Variants in LHCGR observed in about 807,000 individuals in gnomAD.
LHCGR encodes luteinizing hormone/choriogonadotropin receptor.
LHCGR carries 55 observed loss-of-function variants against 60.7 expected under a neutral mutation model. That is an observed-to-expected ratio of 0.91 (90% confidence interval 0.73 to 1.13). The LOEUF (loss-of-function observed/expected upper bound fraction) is 1.13, where lower values mean the gene tolerates loss of function less well. Among genes scored for constraint, LHCGR ranks in the 50% most tolerant of loss-of-function variants. LHCGR has a pLI of 0.00. For synonymous variants in LHCGR, 337 were observed against 316.5 expected (o/e 1.06, Z -0.69); for missense variants, 862 against 836.0 (o/e 1.03, Z -0.38).
At chr2:48,744,622 T>A in intron 1 of LHCGR, among the ~76,000 whole-genome samples, 1 of 60,324 alleles carries the variant, frequency 1.7e-5, no homozygotes, top group East Asian at 4.8e-4. Flanking sequence ...TAAATGGTGC[T>A]GGGAAAACTG....
At position 48,755,220 on chromosome 2, in the gene LHCGR, C is replaced by T. The variant is rs976057685; in HGVS notation, c.161+291G>A. Among the ~76,000 whole-genome samples the T allele has an allele frequency of 7.9e-5, 12 of 151,718 alleles. 1 individual carries two copies. The highest frequency in any genetic ancestry group is 1.8e-4 in the Non-Finnish European group (12 of 67,956). On this transcript the variant is annotated intron_variant, in intron 1 of 10. Transcript: ENST00000294954. ...TCACACCCATATTCCCTTCAAGCAG[C>T]GGCAGAGAGCAGGCCTTCCCCTGAG...
Position 48,701,110 on chromosome 2 carries a change from G to T in LHCGR, c.681-2310C>A, listed in dbSNP as rs192099150. ...AAAAGTGGATAGCAGGAAGGAGTTAGGAAATAGAGAGTGAGGGGCTGAGGG... is the reference window on the plus strand; with the variant it reads ...AAAAGTGGATAGCAGGAAGGAGTTATGAAATAGAGAGTGAGGGGCTGAGGG... On this transcript the variant is annotated intron_variant, in intron 8 of 10. Coordinates refer to ENST00000294954, the MANE Select transcript of LHCGR (RefSeq NM_000233.4). Among the ~76,000 whole-genome samples the T allele has an allele frequency of 2.8e-3, 420 of 152,190 alleles. 2 individuals carry two copies. The highest frequency in any genetic ancestry group is 9.7e-3 in the African/African-American group (404 of 41,520).
chr2:48,723,639 A>G lies in LHCGR; in HGVS notation c.441T>C (p.Ser147=). 3 of 1,613,818 alleles carry G rather than the reference A, an allele frequency of 1.9e-6. No individual in the cohort carries two copies. The highest frequency in any genetic ancestry group is 2.5e-6 in the Non-Finnish European group (3 of 1,179,684). The change falls in exon 5 of 11, where the codon TCT becomes TCC. Residue 147 remains serine (S), a synonymous_variant. Transcript: ENST00000294954. Reference sequence around the variant, plus strand: ...GTACTTACAGAATGAAATTTGATTCAGAGGAGAAGACCTTCGTAACATCTG... The same window carrying G: ...GTACTTACAGAATGAAATTTGATTCGGAGGAGAAGACCTTCGTAACATCTG... ...KFPDVTKVFS[S]ESNFILEICD...
intron 3 of LHCGR, among the ~76,000 whole-genome samples, chr2:48,726,230 A>C (rs1668720962): frequency 6.6e-6 from 1 of 152,210 alleles, no homozygotes; most frequent in Non-Finnish European, 1.5e-5. Context: ...CAGTCTGTGG[A>C]ATGGCACAGG....
intron 3 of LHCGR, among the ~76,000 whole-genome samples, chr2:48,728,242 C>G (rs1668833848): frequency 6.6e-6 from 1 of 152,106 alleles, no homozygotes; most frequent in Non-Finnish European, 1.5e-5. Flanking sequence ...TGTGCCTTTC[C>G]AAGCCTCCAT....
intron 8 of LHCGR, among the ~76,000 whole-genome samples, chr2:48,699,140 A>T (rs1667278699): frequency 6.6e-6 from 1 of 152,098 alleles, no homozygotes; most frequent in Non-Finnish European, 1.5e-5. Context: ...TATACATTTT[A>T]TTCAGAGAAT....
In LHCGR at chr2:48,688,927, G is replaced by C; in HGVS notation, c.948-78C>G. ...AATTCAAGAATTATGTTTCTTTAAA[G>C]GCAAAGAAACAAAAGGAAACAAAGC... On this transcript the variant is annotated intron_variant, in intron 10 of 10. Coordinates refer to ENST00000294954, the MANE Select transcript of LHCGR (RefSeq NM_000233.4). This position sits in a 1 kb window ranked among gnomAD's most constrained non-coding sequence, Gnocchi z 5.2. 7.4e-7 allele frequency: 1 copy of C among 1,359,098 alleles called. No homozygotes were observed. The allele number at this position is 1,359,098 out of a possible 1,614,324, so 84.2% of individuals were successfully genotyped here. A position where few individuals can be genotyped will look rare whatever the true frequency, so the allele number is the denominator to read the frequency against.
At position 48,688,402 on chromosome 2, in the gene LHCGR, C is replaced by A; in HGVS notation, c.1395G>T (p.Trp465Cys). 1.2e-6 allele frequency: 2 copies of A among 1,614,084 alleles called. No homozygotes were observed. Among genetic ancestry groups the A allele is most frequent in the Non-Finnish European group, 1.7e-6 (2 of 1,180,006 alleles). ...GGTGAATAGCATAGGTGATGGTGTG[C>A]CATCTTTCTAGAGTGATGACGGTGA... is the stretch of plus-strand genomic sequence containing the variant. ...YTLTVITLER[W>C]HTITYAIHLD... The change falls in exon 11 of 11, where the codon TGG (tryptophan) becomes TGT (cysteine). Residue 465 changes from tryptophan to cysteine, a missense_variant. Physicochemically the swap from Trp to Cys is radical, Grantham distance 215. Transcript: ENST00000294954. The surrounding 1 kb of genome is among the most constrained non-coding windows in gnomAD (Gnocchi z 5.2).
Position 48,688,244 on chromosome 2 carries a change from T to A in LHCGR, c.1553A>T (p.Asp518Val), listed in dbSNP as rs941158441. The change falls in exon 11 of 11, where the codon GAT becomes GTT. Residue 518 changes from aspartate to valine, a missense_variant. By Grantham distance (152) the Asp-to-Val change is radical. Coordinates refer to ENST00000294954, the MANE Select transcript of LHCGR (RefSeq NM_000233.4). The surrounding 1 kb of genome is among the most constrained non-coding windows in gnomAD (Gnocchi z 5.2). ...YMKVSICFPMDVETTLSQVYI... is the reference protein window; with the variant it reads ...YMKVSICFPMVVETTLSQVYI... ...GACTTGTGAGAGAGTGGTTTCCACA[T>A]CCATGGGGAAGCAAATACTGACCTT... The A allele has an allele frequency of 1.2e-6, 2 of 1,614,028 alleles. No individual in the cohort carries two copies. Among genetic ancestry groups the A allele is most frequent in the Non-Finnish European group, 1.7e-6 (2 of 1,180,032 alleles).
chr2:48,730,117 T>C (rs986866300), intron 2 of LHCGR, among the ~76,000 whole-genome samples: 6 of 152,218 alleles, frequency 3.9e-5, no homozygotes, highest in Non-Finnish European at 5.9e-5. Context: ...AGGTTAAGGC[T>C]CACTGAAGGC....
At chr2:48,745,150 C>T (rs536319559) in intron 1 of LHCGR, among the ~76,000 whole-genome samples, 63 of 152,278 alleles carry the variant, frequency 4.1e-4, no homozygotes, top group Non-Finnish European at 7.1e-4. Flanking sequence ...AATGAGATAC[C>T]ATCTCACACC....
At chr2:48,691,614 G>A (rs1181600975) in intron 10 of LHCGR, among the ~76,000 whole-genome samples, 1 of 152,162 alleles carries the variant, frequency 6.6e-6, no homozygotes, top group African/African-American at 2.4e-5. Context: ...AGGAGGCTGA[G>A]GCTGGCAGAT....
chr2:48,733,458 A>G (rs1289052403), intron 1 of LHCGR, among the ~76,000 whole-genome samples: 1 of 152,234 alleles, frequency 6.6e-6, no homozygotes, highest in Non-Finnish European at 1.5e-5. Flanking sequence ...GGCAGTCTCC[A>G]GTGGCTACAG....
chr2:48,729,095 C>T, intron 3 of LHCGR, 58 bp downstream of exon 3: 2 of 1,292,802 alleles, frequency 1.5e-6, no homozygotes, highest in Admixed American at 1.7e-5. Flanking sequence ...ACCAAGTGGG[C>T]TCCAGCCAGT....
chr2:48,694,116 A>G (rs1666999692), intron 10 of LHCGR, 108 bp downstream of exon 10: 1 of 772,820 alleles, frequency 1.3e-6, no homozygotes, highest in Admixed American at 2.2e-5. Context: ...TTGCTTTGCA[A>G]CAGCTCCGTA....
chr2:48,725,598 C>A, intron 4 of LHCGR, 78 bp downstream of exon 4: 2 of 1,022,426 alleles, frequency 2.0e-6, no homozygotes, highest in Non-Finnish European at 3.1e-6. Context: ...CAAAATCTTT[C>A]CAACCTTTTC....
intron 6 of LHCGR, among the ~76,000 whole-genome samples, chr2:48,716,519 T>G (rs1681291840): frequency 6.6e-6 from 1 of 152,056 alleles, no homozygotes; most frequent in South Asian, 2.1e-4. Flanking sequence ...AATCATCAGT[T>G]TCACATACTA....
At chr2:48,727,308 C>T (rs1414418131) in intron 3 of LHCGR, among the ~76,000 whole-genome samples, 1 of 152,032 alleles carries the variant, frequency 6.6e-6, no homozygotes, top group Non-Finnish European at 1.5e-5. Flanking sequence ...TGGGGCCTGA[C>T]CTTAGCCCAG....
chr2:48,701,760 C>G (rs1030165699), intron 8 of LHCGR, among the ~76,000 whole-genome samples: 1 of 152,184 alleles, frequency 6.6e-6, no homozygotes, highest in East Asian at 1.9e-4. Context: ...TCTGCCATTT[C>G]CCTGATGCCT....
Sources: allele counts gnomAD v4.1 joint callset (sites outside exome capture counted in the v4.1 genomes callset), GRCh38; gene constraint gnomAD v4.1.1; non-coding constraint Gnocchi (gnomAD v3.1); transcripts MANE v1.5; gene names NCBI Gene and HGNC (gene_info 2026-07-23, HGNC 2026-07-21).